Variants in MYPN observed in about 807,000 individuals in gnomAD.
MYPN encodes myopalladin.
A neutral mutation model predicts 129.4 loss-of-function variants in MYPN; 63 were observed. The observed-to-expected ratio is 0.49, with a 90% CI of 0.40 to 0.60. MYPN has a LOEUF of 0.60. Among genes scored for constraint, MYPN ranks in the 20% least tolerant of loss-of-function variants. The probability of loss-of-function intolerance (pLI) is 0.00; values close to 1 mark genes in which losing one functional copy is unlikely to be tolerated. For missense variants in MYPN, 1,596 were observed against 1,635.4 expected (o/e 0.98, Z 0.42); for synonymous variants, 629 against 600.9 (o/e 1.05, Z -0.68).
At chr10:68,106,887 C>T, upstream of MYPN, 2 of 703,710 alleles carry the variant, frequency 2.8e-6, no homozygotes, top group Non-Finnish European at 5.2e-6. Flanking sequence ...CCACAAGAAA[C>T]ACATGTGTTG....
In MYPN at chr10:68,136,548, A is replaced by C; in HGVS notation, c.903-6392A>C. The C allele has an allele frequency of 2.1e-6, 3 of 1,431,068 alleles. No individual in the cohort carries two copies. In the East Asian group the frequency reaches 7.7e-5, roughly 37 times the overall value. The allele number at this position is 1,431,068 out of a possible 1,614,324, so 88.6% of individuals were successfully genotyped here. ...CCAGCCTGATCCCTGCCTAATTTCT[A>C]AGTGGGTCATGCTGTTAAAGTCAGA... On this transcript the variant is annotated intron_variant, in intron 2 of 19. Coordinates refer to ENST00000358913, the MANE Select transcript of MYPN (RefSeq NM_032578.4).
intron 2 of MYPN, among the ~76,000 whole-genome samples, chr10:68,133,021 A>ATTTTTTTTTTT (rs35346306): frequency 8.6e-6 from 1 of 116,224 alleles, no homozygotes; most frequent in East Asian, 2.8e-4. Flanking sequence ...GTAGACCTCA[A>ATTTTTTTTTTT]TTTTTTTTTT....
intron 9 of MYPN, 24 bp downstream of exon 9, chr10:68,165,842 C>T: frequency 6.4e-7 from 1 of 1,560,154 alleles, no homozygotes; most frequent in Non-Finnish European, 8.8e-7. Context: ...AATGCTAGAA[C>T]AGTTTAGCCT....
chr10:68,182,439 A>AACATATATATAAC (rs2043346042), intron 12 of MYPN, among the ~76,000 whole-genome samples: 1 of 134,144 alleles, frequency 7.5e-6, no homozygotes, highest in African/African-American at 2.7e-5. Context: ...ACATATATAT[A>AACATATATATAAC]ACATATATAT....
chr10:68,114,294 A>G (rs1449126756), intron 1 of MYPN: 2 of 152,000 alleles, frequency 1.3e-5, no homozygotes, highest in Admixed American at 1.3e-4. Flanking sequence ...AACATGTCCA[A>G]AGGTATCAGC....
At chr10:68,141,229 C>T (rs753261296) in intron 2 of MYPN, among the ~76,000 whole-genome samples, 111 of 152,018 alleles carry the variant, frequency 7.3e-4, no homozygotes, top group Non-Finnish European at 1.3e-3. Flanking sequence ...ATTAGCTGGG[C>T]GTGGTGGTGT....
intron 1 of MYPN, among the ~76,000 whole-genome samples, chr10:68,120,427 A>G (rs552702368): frequency 6.6e-6 from 1 of 152,326 alleles, no homozygotes; most frequent in Admixed American, 6.5e-5. Flanking sequence ...CAAGCATCAT[A>G]TTCCATTATA....
At chr10:68,139,377 C>T (rs2042538313) in intron 2 of MYPN, among the ~76,000 whole-genome samples, 1 of 152,200 alleles carries the variant, frequency 6.6e-6, no homozygotes, top group South Asian at 2.1e-4. Flanking sequence ...AATCTCCTGG[C>T]TCCTCAACCT....
chr10:68,195,397 GA>G lies in MYPN; in HGVS notation c.3076-47del, dbSNP rs1190113003. On this transcript the variant is annotated intron_variant, in intron 14 of 19. Transcript: ENST00000358913. ...TGGTCCAGAAATTTTTATGTAAATTGAAAAAATGTGAGATTGTTCTTGTTTT... is the reference window on the plus strand; with the variant it reads ...TGGTCCAGAAATTTTTATGTAAATTGAAAAATGTGAGATTGTTCTTGTTTT... 7.6e-6 allele frequency: 12 copies of G among 1,573,860 alleles called. 1 individual carries two copies. The Middle Eastern group carries it at 6.6e-4, about 87-fold the overall frequency.
At chr10:68,140,065 G>A (rs949698456) in intron 2 of MYPN, among the ~76,000 whole-genome samples, 2 of 152,206 alleles carry the variant, frequency 1.3e-5, no homozygotes, top group East Asian at 1.9e-4. Context: ...CTCTGAGAAG[G>A]CGACATTTGA....
chr10:68,202,017 AG>A, intron 18 of MYPN, 23 bp downstream of exon 18: 7 of 1,613,684 alleles, frequency 4.3e-6, no homozygotes, highest in Non-Finnish European at 5.9e-6. Context: ...CCACATCCAG[AG>A]GGACTCCCAC....
chr10:68,167,655 G>C (rs1457470264), intron 10 of MYPN, among the ~76,000 whole-genome samples: 4 of 152,162 alleles, frequency 2.6e-5, no homozygotes, highest in Non-Finnish European at 4.4e-5. Flanking sequence ...TGCACCCACT[G>C]TGTGTTGCTC....
intron 2 of MYPN, among the ~76,000 whole-genome samples, chr10:68,127,355 C>G (rs1240676493): frequency 1.1e-5 from 1 of 89,262 alleles, no homozygotes; most frequent in Non-Finnish European, 2.0e-5. Context: ...GAGATGAAGT[C>G]TCGCTCTGTC....
intron 2 of MYPN, chr10:68,136,711 G>C (rs914424887): frequency 1.3e-6 from 2 of 1,535,308 alleles, no homozygotes; most frequent in African/African-American, 2.7e-5. Flanking sequence ...ATTGCTCATA[G>C]ATGTTTCCAC....
intron 16 of MYPN, among the ~76,000 whole-genome samples, chr10:68,197,723 A>G (rs1021110826): frequency 6.6e-6 from 1 of 152,064 alleles, no homozygotes; most frequent in South Asian, 2.1e-4. Flanking sequence ...TATCAAGTTA[A>G]TTGCATTTTT....
intron 1 of MYPN, among the ~76,000 whole-genome samples, chr10:68,093,574 T>TAA (rs34247732): frequency 7.0e-4 from 75 of 106,804 alleles, no homozygotes; most frequent in African/African-American, 1.8e-3. Context: ...CCATCTCTAC[T>TAA]AAAAAAAAAA....
At chr10:68,209,990 GC>G (rs1045248971) in intron 19 of MYPN, among the ~76,000 whole-genome samples, 1 of 152,088 alleles carries the variant, frequency 6.6e-6, no homozygotes, top group African/African-American at 2.4e-5. Context: ...ACCGTGCCTG[GC>G]CGCATCTTAG....
chr10:68,199,820 C>T (rs2043680288), intron 17 of MYPN, among the ~76,000 whole-genome samples: 1 of 152,188 alleles, frequency 6.6e-6, no homozygotes. Context: ...CATCATCAGT[C>T]AATCAATCAA....
chr10:68,121,937 TC>T lies in MYPN; in HGVS notation c.502del (p.His168ThrfsTer57). 6.2e-7 allele frequency: 1 copy of T among 1,614,130 alleles called. No individual in the cohort carries two copies. The highest frequency in any genetic ancestry group is 8.5e-7 in the Non-Finnish European group (1 of 1,180,026). ...TGAAGAGCTATCCTCCCTTTTCAAA[TC>T]CCACAGCTCCAAAAGGATTAGACCT... ...FIEELSSLFKSHSSKRIRPRA... is the reference protein window; with the variant it reads ...FIEELSSLFKXHSSKRIRPRA... On this transcript the variant is annotated frameshift_variant, in exon 2 of 20. Coordinates refer to ENST00000358913, the MANE Select transcript of MYPN (RefSeq NM_032578.4). LOFTEE classifies it high-confidence loss of function.
Sources: gnomAD v4.1 joint callset for allele counts (sites outside exome capture counted in the v4.1 genomes callset) on GRCh38, gnomAD v4.1.1 for gene constraint, MANE v1.5 for transcripts, NCBI Gene and HGNC (gene_info 2026-07-23, HGNC 2026-07-21) for gene names.